ATP10A: variants seen among roughly 807,000 people sequenced by gnomAD.
ATP10A encodes ATPase phospholipid transporting 10A (putative).
Under a neutral mutation model 147.8 loss-of-function variants are expected in ATP10A, and 111 were observed. That is an observed-to-expected ratio of 0.75 (90% confidence interval 0.64 to 0.88). The LOEUF is 0.88. ATP10A is among the 40% of genes least tolerant of loss of function. The probability of loss-of-function intolerance (pLI) is 0.00; values close to 1 mark genes in which losing one functional copy is unlikely to be tolerated. For missense variants in ATP10A, 1,927 were observed against 1,959.0 expected (o/e 0.98, Z 0.31); for synonymous variants, 875 against 841.6 (o/e 1.04, Z -0.69).
intron 1 of ATP10A, among the ~76,000 whole-genome samples, chr15:25,788,292 T>C (rs1034425566): frequency 6.6e-6 from 1 of 152,314 alleles, no homozygotes; most frequent in South Asian, 2.1e-4. Flanking sequence ...ACACACAGTC[T>C]CAAGTGCATT....
intron 2 of ATP10A, among the ~76,000 whole-genome samples, chr15:25,759,005 T>C (rs534437251): frequency 6.0e-4 from 91 of 152,224 alleles, no homozygotes; most frequent in African/African-American, 2.1e-3. Context: ...CCATTGGAAG[T>C]AGTTTAGCCT....
At chr15:25,816,730 A>C (rs553897240) in intron 1 of ATP10A, among the ~76,000 whole-genome samples, 1 of 152,130 alleles carries the variant, frequency 6.6e-6, no homozygotes, top group African/African-American at 2.4e-5. Flanking sequence ...AGAAAACATA[A>C]TTTTTTTGTC....
intron 1 of ATP10A, among the ~76,000 whole-genome samples, chr15:25,825,553 A>G (rs1276987036): frequency 1.3e-5 from 2 of 152,216 alleles, no homozygotes; most frequent in East Asian, 3.9e-4. Context: ...ACATGCACAC[A>G]TAACATCAGC....
chr15:25,701,132 C>A (rs1900638756), intron 13 of ATP10A, among the ~76,000 whole-genome samples: 1 of 152,188 alleles, frequency 6.6e-6, no homozygotes, highest in African/African-American at 2.4e-5. Context: ...GCTTGAAAGG[C>A]AGCCTTTCCT....
intron 7 of ATP10A, among the ~76,000 whole-genome samples, chr15:25,720,692 G>C (rs1902161246): frequency 6.6e-6 from 1 of 152,072 alleles, no homozygotes; most frequent in Non-Finnish European, 1.5e-5. Flanking sequence ...ATCTATTTTG[G>C]GTGGCAAATA....
rs777367412 is a variant in ATP10A at position 25,680,187 on chromosome 15, G to C, written c.3800C>G (p.Ala1267Gly). Residue 1267 changes from alanine to glycine, a missense_variant, in exon 20 of 21, where the codon GCC becomes GGC. Physicochemically the swap from Ala to Gly is moderately conservative, Grantham distance 60. Coordinates refer to ENST00000555815, the MANE Select transcript of ATP10A (RefSeq NM_024490.4). ...GTAAAACACTGGGTCACCCAGTAAG[G>C]CTTGCATAGTCCAGTAAGGGTTGGA... is the stretch of plus-strand genomic sequence containing the variant. Reference protein sequence around the residue: ...PPSNPYWTMQALLGDPVFYLT... With the variant: ...PPSNPYWTMQGLLGDPVFYLT... 2.5e-6 allele frequency: 4 copies of C among 1,614,138 alleles called. No homozygotes were observed. Among genetic ancestry groups the C allele is most frequent in the Non-Finnish European group, 2.5e-6 (3 of 1,180,008 alleles).
chr15:25,824,058 A>G (rs2140851750), intron 1 of ATP10A, among the ~76,000 whole-genome samples: 1 of 152,226 alleles, frequency 6.6e-6, no homozygotes, highest in Non-Finnish European at 1.5e-5. Flanking sequence ...TAGTTTACCA[A>G]CCCCCACCAC....
intron 11 of ATP10A, 28 bp downstream of exon 11, chr15:25,708,169 G>A (rs1280789444): frequency 6.2e-7 from 1 of 1,613,876 alleles, no homozygotes; most frequent in South Asian, 1.1e-5. Context: ...ACCTGCACGT[G>A]CACCCTCGCG....
At position 25,800,531 on chromosome 15, in the gene ATP10A, C is replaced by T. The variant is rs142060096; in HGVS notation, c.450-19308G>A. Among the ~76,000 whole-genome samples, 251 of 152,322 alleles carry T rather than the reference C, an allele frequency of 1.6e-3. 3 individuals are homozygous for T. The highest frequency in any genetic ancestry group is 0.01 in the Middle Eastern group (3 of 294). ...TGGGAGCTGACCACGCTCCTTCACT[C>T]CACGCGTGCCTGCTGGGCGCTGCTG... On this transcript the variant is annotated intron_variant, in intron 1 of 20. Transcript: ENST00000555815.
At chr15:25,809,618 C>CT (rs1891343213) in intron 1 of ATP10A, among the ~76,000 whole-genome samples, 1 of 152,132 alleles carries the variant, frequency 6.6e-6, no homozygotes, top group Middle Eastern at 3.4e-3. Flanking sequence ...ATTCATTTTC[C>CT]TTTTCTTCTT....
intron 1 of ATP10A, among the ~76,000 whole-genome samples, chr15:25,812,432 TAA>T (rs946338644): frequency 6.6e-6 from 1 of 152,162 alleles, no homozygotes; most frequent in African/African-American, 2.4e-5. Flanking sequence ...TAAAAATAAA[TAA>T]GTTTCTTTTT....
chr15:25,756,587 C>G (rs1467011016), intron 2 of ATP10A, among the ~76,000 whole-genome samples: 1 of 152,000 alleles, frequency 6.6e-6, no homozygotes, highest in South Asian at 2.1e-4. Context: ...AGCTTGCAGT[C>G]AGCCGAGATC....
intron 10 of ATP10A, among the ~76,000 whole-genome samples, chr15:25,712,536 A>AGAT (rs1555458269): frequency 2.6e-5 from 4 of 151,666 alleles, no homozygotes; most frequent in Admixed American, 6.6e-5. Flanking sequence ...AATAAGAGAG[A>AGAT]TTTTTTTTTG....
intron 1 of ATP10A, among the ~76,000 whole-genome samples, chr15:25,789,162 A>T (rs1384503400): frequency 2.0e-5 from 3 of 152,154 alleles, no homozygotes; most frequent in Non-Finnish European, 4.4e-5. Flanking sequence ...GGGTTTCACC[A>T]TGTTGCCCAG....
intron 2 of ATP10A, among the ~76,000 whole-genome samples, chr15:25,737,915 C>T (rs1455417666): frequency 2.6e-5 from 4 of 152,102 alleles, no homozygotes; most frequent in Admixed American, 2.6e-4. Context: ...CAAAAGAAAC[C>T]ATCCTGCTGA....
At position 25,726,670 on chromosome 15, in the gene ATP10A, C is replaced by G. The variant is rs562757316; in HGVS notation, c.847+490G>C. 1.2e-4 allele frequency among the ~76,000 whole-genome samples: 18 copies of G among 151,916 alleles called. No homozygotes were observed. The East Asian group carries it at 1.8e-3, about 15-fold the overall frequency. ...ACGTTGGCCAAGCTGGTCTCAAGCTCCTGACCTCATGATCTGCCCGTCTCA... is the reference window on the plus strand; with the variant it reads ...ACGTTGGCCAAGCTGGTCTCAAGCTGCTGACCTCATGATCTGCCCGTCTCA... On this transcript the variant is annotated intron_variant, in intron 4 of 20. Transcript: ENST00000555815.
intron 1 of ATP10A, among the ~76,000 whole-genome samples, chr15:25,801,385 C>T (rs1163934766): frequency 6.6e-6 from 1 of 152,206 alleles, no homozygotes; most frequent in African/African-American, 2.4e-5. Flanking sequence ...AATCACGGCT[C>T]TGAGCCTCAG....
chr15:25,718,383 C>T lies in ATP10A; in HGVS notation c.1380G>A (p.Arg460=), dbSNP rs1158170243. 1 of 1,603,290 alleles carries T rather than the reference C, an allele frequency of 6.2e-7. No homozygotes were observed. The highest frequency in any genetic ancestry group is 1.7e-5 in the Admixed American group (1 of 58,948). The stretch of plus-strand genomic sequence containing the variant: ...CCTCCTCCGAGTCTGCCTCTTGGTA[C>T]CTGGCCAGACGCTGCGCTGCGGGGA... ...SHDANAQRLA[R]YQEADSEEEE... Residue 460 remains arginine (R), a synonymous_variant, in exon 8 of 21, where the codon AGG becomes AGA. Coordinates refer to ENST00000555815, the MANE Select transcript of ATP10A (RefSeq NM_024490.4).
rs531592100 is a variant in ATP10A, at chr15:25,772,384, C to T, written c.654+8635G>A. 1.2e-4 allele frequency among the ~76,000 whole-genome samples: 19 copies of T among 152,260 alleles called. No homozygotes were observed. In the South Asian group the frequency reaches 3.5e-3, roughly 28 times the overall value. Reference sequence around the variant, plus strand: ...ACTTTGCACCCAAAACCTTTCCCTGCCCACTTTTAGCTTTAAAACAACACT... The same window carrying T: ...ACTTTGCACCCAAAACCTTTCCCTGTCCACTTTTAGCTTTAAAACAACACT... On this transcript the variant is annotated intron_variant, in intron 2 of 20. Transcript: ENST00000555815.
Sources: gnomAD v4.1 joint callset for allele counts (sites outside exome capture counted in the v4.1 genomes callset) on GRCh38, gnomAD v4.1.1 for gene constraint, MANE v1.5 for transcripts, NCBI Gene and HGNC (gene_info 2026-07-23, HGNC 2026-07-21) for gene names.